RNF38: variants seen among roughly 807,000 people sequenced by gnomAD.
RNF38 encodes ring finger protein 38, also known as E3 ubiquitin-protein ligase RNF38.
RNF38 carries 15 observed loss-of-function variants against 67.2 expected under a neutral mutation model. The observed-to-expected ratio is 0.22, with a 90% CI of 0.15 to 0.34. The LOEUF (loss-of-function observed/expected upper bound fraction) is 0.34. Among genes scored for constraint, RNF38 ranks in the 10% least tolerant of loss-of-function variants. The pLI is 1.00. For synonymous variants in RNF38, 220 were observed against 218.8 expected (o/e 1.01, Z -0.05); for missense variants, 524 against 639.9 (o/e 0.82, Z 1.95).
intron 11 of RNF38, among the ~76,000 whole-genome samples, chr9:36,340,829 C>G (rs1001451990): frequency 1.3e-5 from 2 of 152,190 alleles, no homozygotes; most frequent in Non-Finnish European, 2.9e-5. Context: ...ACAAATGGGA[C>G]CATAATTTGT....
chr9:36,390,242 T>C (rs1310469752), intron 2 of RNF38, among the ~76,000 whole-genome samples: 3 of 152,218 alleles, frequency 2.0e-5, no homozygotes, highest in Non-Finnish European at 4.4e-5. Context: ...AACACAAGAA[T>C]ATTAAGTAGT....
chr9:36,379,431 G>T (rs1316311488), intron 2 of RNF38, among the ~76,000 whole-genome samples: 2 of 152,046 alleles, frequency 1.3e-5, no homozygotes, highest in African/African-American at 4.8e-5. Context: ...AGAAACAGAT[G>T]CTAAAAGTTC....
chr9:36,378,217 C>A (rs574781112), intron 2 of RNF38, among the ~76,000 whole-genome samples: 3 of 142,256 alleles, frequency 2.1e-5, no homozygotes, highest in Non-Finnish European at 3.0e-5. Flanking sequence ...TGCTCTGTTG[C>A]CCAGGCTGGA....
intron 1 of RNF38, among the ~76,000 whole-genome samples, chr9:36,454,276 A>C (rs1839531244): frequency 6.6e-6 from 1 of 151,946 alleles, no homozygotes; most frequent in African/African-American, 2.4e-5. Flanking sequence ...GGCATCCGCC[A>C]CCATGCCTGG....
intron 1 of RNF38, among the ~76,000 whole-genome samples, chr9:36,425,562 C>G (rs920606070): frequency 6.6e-6 from 1 of 151,876 alleles, no homozygotes; most frequent in African/African-American, 2.4e-5. Context: ...CGCGTGGTGG[C>G]GCACCCCTGT....
intron 2 of RNF38, among the ~76,000 whole-genome samples, chr9:36,387,291 G>T (rs1836720667): frequency 6.6e-6 from 1 of 152,152 alleles, no homozygotes; most frequent in African/African-American, 2.4e-5. Context: ...ACCCTCTCCT[G>T]GGGTCTGGAT....
chr9:36,350,358 T>C (rs1400706443), intron 9 of RNF38, among the ~76,000 whole-genome samples: 1 of 152,232 alleles, frequency 6.6e-6, no homozygotes, highest in Admixed American at 6.5e-5. Context: ...TCTTCACAAG[T>C]ACTGATGCCA....
chr9:36,341,511 C>T (rs926548712), intron 11 of RNF38, among the ~76,000 whole-genome samples: 3 of 151,960 alleles, frequency 2.0e-5, no homozygotes, highest in East Asian at 1.9e-4. Flanking sequence ...TTTACTGTAT[C>T]ACATTTTACT....
At chr9:36,357,981 T>G in intron 4 of RNF38, 39 bp from the exon 5 acceptor site, 1 of 1,563,918 alleles carries the variant, frequency 6.4e-7, no homozygotes, top group Non-Finnish European at 8.8e-7. Flanking sequence ...TTTAGCTGTT[T>G]AGATAAAATG....
chr9:36,484,111 T>C (rs947187999), intron 1 of RNF38, among the ~76,000 whole-genome samples: 1 of 152,212 alleles, frequency 6.6e-6, no homozygotes, highest in African/African-American at 2.4e-5. Flanking sequence ...CAAACTTTAG[T>C]GGGCATCCCA....
intron 1 of RNF38, among the ~76,000 whole-genome samples, chr9:36,483,546 G>A (rs1322208224): frequency 6.6e-6 from 1 of 152,106 alleles, no homozygotes; most frequent in East Asian, 1.9e-4. Context: ...CAGGACTAAG[G>A]AAGAAAGGTC....
Position 36,451,499 on chromosome 9 carries a change from T to TTTTGTTTGTTTG in RNF38, n.242-26817_242-26816insCAAACAAACAAA, listed in dbSNP as rs1564068027. 7.1e-3 allele frequency among the ~76,000 whole-genome samples: 947 copies of TTTTGTTTGTTTG among 134,200 alleles called. 18 individuals carry two copies. The highest frequency in any genetic ancestry group is 0.026 in the African/African-American group (870 of 34,030). The allele number at this position is 134,200 out of a possible 152,430, so 88.0% of individuals were successfully genotyped here. On this transcript the variant is annotated intron_variant and non_coding_transcript_variant, in intron 1 of 3. Coordinates refer to the RNF38 transcript ENST00000488058. Reference sequence around the variant, plus strand: ...AAAAAAAAATTGTAGTAGTTTTTTTTTTTTTTTTTTTTTTTTTTGAGACGG... The same window carrying TTTTGTTTGTTTG: ...AAAAAAAAATTGTAGTAGTTTTTTTTTTTGTTTGTTTGTTTTTTTTTTTTTTTTTTGAGACGG...
intron 3 of RNF38, among the ~76,000 whole-genome samples, chr9:36,372,181 A>C (rs1835431502): frequency 6.6e-6 from 1 of 152,056 alleles, no homozygotes; most frequent in South Asian, 2.1e-4. Context: ...CGCCCACCTC[A>C]GCCTCCCAAA....
intron 3 of RNF38, among the ~76,000 whole-genome samples, chr9:36,374,801 T>A (rs1426961383): frequency 6.6e-6 from 1 of 152,184 alleles, no homozygotes; most frequent in Non-Finnish European, 1.5e-5. Flanking sequence ...AGGACATTAA[T>A]CCTGCTGGGT....
chr9:36,478,919 C>T (rs1840186809), intron 1 of RNF38, among the ~76,000 whole-genome samples: 1 of 151,288 alleles, frequency 6.6e-6, no homozygotes, highest in Non-Finnish European at 1.5e-5. Context: ...GTAACACAAA[C>T]ATAAGGCAAA....
At chr9:36,442,085 G>T (rs1000596443) in intron 1 of RNF38, among the ~76,000 whole-genome samples, 1 of 152,080 alleles carries the variant, frequency 6.6e-6, no homozygotes, top group Non-Finnish European at 1.5e-5. Flanking sequence ...GGGAGGGGGA[G>T]AGTCAAATCT....
chr9:36,376,473 T>C (rs1835792955), intron 2 of RNF38, among the ~76,000 whole-genome samples: 1 of 152,138 alleles, frequency 6.6e-6, no homozygotes, highest in Non-Finnish European at 1.5e-5. Flanking sequence ...CCTGAAAAAT[T>C]ACACTACACT....
chr9:36,412,928 C>A (rs537568512), intron 2 of RNF38, among the ~76,000 whole-genome samples: 1 of 152,052 alleles, frequency 6.6e-6, no homozygotes, highest in Non-Finnish European at 1.5e-5. Context: ...CAAAATTAGC[C>A]GGGTGTGGTG....
At chr9:36,360,214 A>G (rs1834425366) in intron 4 of RNF38, among the ~76,000 whole-genome samples, 1 of 152,202 alleles carries the variant, frequency 6.6e-6, no homozygotes, top group Admixed American at 6.5e-5. Context: ...GTTTATTATT[A>G]AATTTGTTCC....
Sources: gnomAD v4.1 joint callset for allele counts (sites outside exome capture counted in the v4.1 genomes callset) on GRCh38, gnomAD v4.1.1 for gene constraint, MANE v1.5 for transcripts, NCBI Gene and HGNC (gene_info 2026-07-23, HGNC 2026-07-21) for gene names.